Variants in SCN3A observed in about 807,000 individuals in gnomAD.
SCN3A encodes sodium channel protein type 3 subunit alpha.
Under a neutral mutation model 187.6 loss-of-function variants are expected in SCN3A, and 60 were observed. The observed-to-expected ratio is 0.32, with a 90% confidence interval of 0.26 to 0.40. The LOEUF (loss-of-function observed/expected upper bound fraction) is 0.40, where lower values mean the gene tolerates loss of function less well. Ranked by LOEUF, SCN3A falls within the 10% of genes least tolerant of loss-of-function variation. The pLI is 1.00. For synonymous variants in SCN3A, 788 were observed against 829.2 expected (o/e 0.95, Z 0.85); for missense variants, 1,601 against 2,428.2 (o/e 0.66, Z 7.16).
At chr2:165,181,436 T>C (rs949968973) in intron 2 of SCN3A, among the ~76,000 whole-genome samples, 5 of 152,360 alleles carry the variant, frequency 3.3e-5, no homozygotes, top group Non-Finnish European at 7.3e-5. Context: ...GTTATGAAGG[T>C]CTTCCAGATT....
At chr2:165,105,756 T>C (rs181786734) in intron 21 of SCN3A, among the ~76,000 whole-genome samples, 23 of 152,180 alleles carry the variant, frequency 1.5e-4, no homozygotes, top group African/African-American at 5.3e-4. Flanking sequence ...CCCAGCACTT[T>C]GGGAGACTGA....
At chr2:165,200,317 C>T (rs1334912579) in intron 1 of SCN3A, among the ~76,000 whole-genome samples, 1 of 151,946 alleles carries the variant, frequency 6.6e-6, no homozygotes, top group Non-Finnish European at 1.5e-5. Context: ...ACAAATGAAA[C>T]ATGAATTCCC....
intron 5 of SCN3A, 133 bp downstream of exon 5, chr2:165,168,603 T>C (rs1209428414): frequency 4.1e-6 from 3 of 722,990 alleles, no homozygotes; most frequent in Non-Finnish European, 7.5e-6. Flanking sequence ...GAACTTCCCT[T>C]ATCTTCTTTC....
intron 1 of SCN3A, among the ~76,000 whole-genome samples, chr2:165,193,214 C>T (rs1415268155): frequency 1.3e-5 from 2 of 152,084 alleles, no homozygotes; most frequent in Non-Finnish European, 2.9e-5. Flanking sequence ...AGAGGCGAAT[C>T]CCTTATTCTG....
intron 26 of SCN3A, chr2:165,093,077 A>G (rs1421317048): frequency 6.5e-6 from 1 of 152,820 alleles, no homozygotes; most frequent in Non-Finnish European, 1.5e-5. Context: ...ACAAACACAT[A>G]AATTTGTGAC....
At position 165,146,945 on chromosome 2, in the gene SCN3A, A is replaced by T. The variant is rs1429845535; in HGVS notation, c.1465T>A (p.Ser489Thr). The change falls in exon 12 of 28, where the codon TCA (serine) becomes ACA (threonine). Residue 489 changes from serine to threonine, a missense_variant. This residue lies in a region of SCN3A where 376 missense variants were observed against 476.0 expected (regional missense o/e 0.79). Coordinates refer to ENST00000283254, the MANE Select transcript of SCN3A (RefSeq NM_006922.4). ...GELLESSSEA[S>T]KLSSKSAKEW... Reference sequence around the variant, plus strand: ...TTAGCACTTTTGGAACTCAACTTTGATGCTTCTGAAGAACTTTCCAACAGC... The same window carrying T: ...TTAGCACTTTTGGAACTCAACTTTGTTGCTTCTGAAGAACTTTCCAACAGC... 1 of 1,613,966 alleles carries T rather than the reference A, an allele frequency of 6.2e-7. No homozygotes were observed.
chr2:165,168,595 A>AT lies in SCN3A; in HGVS notation c.473+140_473+141insA. On this transcript the variant is annotated intron_variant, in intron 5 of 27. Transcript: ENST00000283254. ...CGTAGAAGAATAGCTCCCCCAAAGA[A>AT]CTTCCCTTATCTTCTTTCATATTAT... 5.8e-6 allele frequency: 4 copies of AT among 692,784 alleles called. No homozygotes were observed. The Admixed American group carries it at 8.6e-5, about 15-fold the overall frequency. The allele number at this position is 692,784 out of a possible 1,614,324, so 42.9% of individuals were successfully genotyped here.
intron 6 of SCN3A, 57 bp from the exon 7 acceptor site, chr2:165,163,766 T>A: frequency 6.2e-7 from 1 of 1,613,356 alleles, no homozygotes; most frequent in East Asian, 2.2e-5. Flanking sequence ...GTTGGAGATA[T>A]AAGGGGCCTA....
chr2:165,090,252 A>G lies in SCN3A; in HGVS notation c.5901T>C (p.Pro1967=), dbSNP rs1333776799. The G allele has an allele frequency of 1.2e-6, 2 of 1,611,546 alleles. No individual in the cohort carries two copies. Among genetic ancestry groups the G allele is most frequent in the East Asian group, 2.2e-5 (1 of 44,842 alleles). ...GTTTTGTTACACTATCATAGGAAGG[A>G]GGAGAGGTGGTAGAGGAACTCCCAT... ...KTDGSSSTTS[P]PSYDSVTKPD... The change falls in exon 28 of 28, where the codon CCT becomes CCC. Residue 1967 remains proline (P), a synonymous_variant. Coordinates refer to ENST00000283254, the MANE Select transcript of SCN3A (RefSeq NM_006922.4). The surrounding 1 kb of genome is among the most constrained non-coding windows in gnomAD (Gnocchi z 4.0).
chr2:165,166,902 CT>C (rs144536784), intron 5 of SCN3A, among the ~76,000 whole-genome samples: 14 of 148,030 alleles, frequency 9.5e-5, no homozygotes, highest in Non-Finnish European at 1.6e-4. Context: ...ATTCAATTGC[CT>C]TTTTTTTTTG....
chr2:165,126,740 C>T (rs1687018857), intron 18 of SCN3A, among the ~76,000 whole-genome samples: 1 of 150,670 alleles, frequency 6.6e-6, no homozygotes, highest in African/African-American at 2.4e-5. Context: ...TACAAAATAA[C>T]TATAGCCCTC....
rs1235837313 is a variant in SCN3A, at chr2:165,138,094, A to G, written c.2176T>C (p.Cys726Arg). ...MEELEESRQK[C>R]PPCWYRFANV... Reference sequence around the variant, plus strand: ...GCAAATCTATACCAGCATGGCGGACATTTCTGTCTAGATTCTTCAAGTTCT... The same window carrying G: ...GCAAATCTATACCAGCATGGCGGACGTTTCTGTCTAGATTCTTCAAGTTCT... Residue 726 changes from cysteine (C) to arginine (R), a missense_variant, in exon 15 of 28, where the codon TGT becomes CGT. Cys to Arg is a radical substitution (Grantham distance 180, BLOSUM62 -3). Coordinates refer to ENST00000283254, the MANE Select transcript of SCN3A (RefSeq NM_006922.4). 13 of 1,613,372 alleles carry G rather than the reference A, an allele frequency of 8.1e-6. No homozygotes were observed. Among genetic ancestry groups the G allele is most frequent in the Non-Finnish European group, 1.1e-5 (13 of 1,179,452 alleles).
chr2:165,130,559 T>G (rs1259752382), intron 16 of SCN3A: 2 of 459,802 alleles, frequency 4.3e-6, no homozygotes, highest in Non-Finnish European at 7.7e-6. Flanking sequence ...TCCAAAGATA[T>G]GCCCATGTAA....
At chr2:165,202,155 C>T (rs1226715574) in intron 1 of SCN3A, among the ~76,000 whole-genome samples, 3 of 152,010 alleles carry the variant, frequency 2.0e-5, no homozygotes, top group African/African-American at 7.2e-5. Context: ...TTTGATATAT[C>T]ATTTAATCAA....
chr2:165,091,359 A>G lies in SCN3A; in HGVS notation c.4808-14T>C, dbSNP rs760014819. The G allele has an allele frequency of 1.3e-5, 21 of 1,613,664 alleles. No individual in the cohort carries two copies. The African/African-American group carries it at 2.1e-4, about 16-fold the overall frequency. On this transcript the variant is annotated splice_polypyrimidine_tract_variant and intron_variant, in intron 27 of 27. Transcript: ENST00000283254. Reference sequence around the variant, plus strand: ...CCAGAAACATACCTATGGAAAACATAGAACACAGCTAAACAGATAATATCT... The same window carrying G: ...CCAGAAACATACCTATGGAAAACATGGAACACAGCTAAACAGATAATATCT...
chr2:165,140,983 G>T lies in SCN3A; in HGVS notation c.1687C>A (p.Arg563Ser). 1 of 1,613,770 alleles carries T rather than the reference G, an allele frequency of 6.2e-7. No homozygotes were observed. The highest frequency in any genetic ancestry group is 8.5e-7 in the Non-Finnish European group (1 of 1,179,824). Residue 563 changes from arginine to serine, a missense_variant, in exon 13 of 28, where the codon CGT becomes AGT. By Grantham distance (110) the Arg-to-Ser change is moderately radical. Around this residue, in one of 11 missense-constraint regions of SCN3A, gnomAD observed 376 missense variants for 476.0 expected, o/e 0.79. Coordinates refer to ENST00000283254, the MANE Select transcript of SCN3A (RefSeq NM_006922.4). The surrounding 1 kb of genome is among the most constrained non-coding windows in gnomAD (Gnocchi z 4.2). Reference sequence around the variant, plus strand: ...CGTCTTGGGGAAAACAGGGAGCCACGGATACTCAAGAGAGACTGCAGAGAA... The same window carrying T: ...CGTCTTGGGGAAAACAGGGAGCCACTGATACTCAAGAGAGACTGCAGAGAA... ...CSPHQSLLSI[R>S]GSLFSPRRNS...
At chr2:165,095,817 G>A (rs905717082) in intron 24 of SCN3A, among the ~76,000 whole-genome samples, 169 bp from the exon 25 acceptor site, 3 of 151,952 alleles carry the variant, frequency 2.0e-5, no homozygotes, top group African/African-American at 7.3e-5. Flanking sequence ...GTAAAATGAA[G>A]GTTTGCAAGT....
chr2:165,177,328 G>C (rs1690533437), intron 2 of SCN3A, among the ~76,000 whole-genome samples: 1 of 152,156 alleles, frequency 6.6e-6, no homozygotes, highest in Non-Finnish European at 1.5e-5. Context: ...TGTGATTGTG[G>C]ACAAAGTAAC....
At chr2:165,124,754 A>G (rs759861316) in intron 18 of SCN3A, among the ~76,000 whole-genome samples, 6 of 152,124 alleles carry the variant, frequency 3.9e-5, no homozygotes, top group Non-Finnish European at 8.8e-5. Context: ...CAGGTTCTTT[A>G]GTAGGTTTGT....
Sources: allele counts gnomAD v4.1 joint callset (sites outside exome capture counted in the v4.1 genomes callset), GRCh38; gene constraint gnomAD v4.1.1; regional missense constraint gnomAD v4.1.1; non-coding constraint Gnocchi (gnomAD v3.1); transcripts MANE v1.5; gene names NCBI Gene and HGNC (gene_info 2026-07-23, HGNC 2026-07-21).